The following MACROD2 variants were observed in gnomAD, a reference collection of about 807,000 sequenced individuals.
MACROD2 encodes mono-ADP ribosylhydrolase 2.
A neutral mutation model predicts 70.4 loss-of-function variants in MACROD2; 36 were observed. That is an observed-to-expected ratio of 0.51 (90% CI 0.39 to 0.68). The LOEUF is 0.68. Among genes scored for constraint, MACROD2 ranks in the 30% least tolerant of loss-of-function variants. The pLI, the probability that MACROD2 is intolerant of heterozygous loss-of-function variation, is 0.00. For missense variants in MACROD2, 496 were observed against 538.4 expected (o/e 0.92, Z 0.78); for synonymous variants, 172 against 178.8 (o/e 0.96, Z 0.30).
chr20:14,520,046 G>C (rs2085147666), intron 4 of MACROD2, among the ~76,000 whole-genome samples: 1 of 152,106 alleles, frequency 6.6e-6, no homozygotes, highest in South Asian at 2.1e-4. Flanking sequence ...GCAAACAACA[G>C]ACACGGGGGC....
chr20:14,667,950 C>T (rs2070754233), intron 4 of MACROD2, among the ~76,000 whole-genome samples: 1 of 152,066 alleles, frequency 6.6e-6, no homozygotes, highest in Non-Finnish European at 1.5e-5. Flanking sequence ...GAGTTCAAGA[C>T]CAGCCTGGGC....
At chr20:14,962,925 A>G (rs2074597849) in intron 5 of MACROD2, among the ~76,000 whole-genome samples, 1 of 152,164 alleles carries the variant, frequency 6.6e-6, no homozygotes, top group South Asian at 2.1e-4. Context: ...CAAATCATTT[A>G]CAATTTGAGT....
intron 3 of MACROD2, among the ~76,000 whole-genome samples, chr20:14,306,017 C>G (rs1325433569): frequency 6.6e-6 from 1 of 152,012 alleles, no homozygotes; most frequent in East Asian, 1.9e-4. Context: ...CTTTCTCTCT[C>G]TCCCTGCTAA....
At chr20:14,668,514 C>A (rs969490714) in intron 4 of MACROD2, among the ~76,000 whole-genome samples, 14 of 152,148 alleles carry the variant, frequency 9.2e-5, no homozygotes, top group African/African-American at 3.4e-4. Context: ...GCTCACTGCA[C>A]TTTTGATTCG....
intron 8 of MACROD2, among the ~76,000 whole-genome samples, chr20:15,577,081 T>A (rs527894177): frequency 2.5e-4 from 38 of 152,254 alleles, no homozygotes; most frequent in African/African-American, 8.9e-4. Flanking sequence ...ATTTAGTATG[T>A]CATATTACGA....
At chr20:14,575,832 A>G (rs1430538536) in intron 4 of MACROD2, among the ~76,000 whole-genome samples, 1 of 152,224 alleles carries the variant, frequency 6.6e-6, no homozygotes, top group African/African-American at 2.4e-5. Context: ...CCTTTATAAT[A>G]AACACATTTT....
chr20:14,222,820 A>T (rs889977621), intron 3 of MACROD2, among the ~76,000 whole-genome samples: 1 of 47,240 alleles, frequency 2.1e-5, no homozygotes, highest in Non-Finnish European at 4.5e-5. Flanking sequence ...TCTGAAAAAA[A>T]AAAAAAAAAA....
chr20:15,582,892 A>G (rs1381268016), intron 8 of MACROD2, among the ~76,000 whole-genome samples: 1 of 152,234 alleles, frequency 6.6e-6, no homozygotes, highest in Admixed American at 6.5e-5. Context: ...GTTGAGAGAT[A>G]TTCCTTACTT....
intron 6 of MACROD2, among the ~76,000 whole-genome samples, chr20:15,429,800 A>G (rs1348005641): frequency 1.3e-5 from 2 of 152,012 alleles, no homozygotes; most frequent in African/African-American, 4.8e-5. Context: ...TTATAGATTT[A>G]GGGGGTACAA....
At chr20:14,901,513 T>C (rs1327655540) in intron 5 of MACROD2, among the ~76,000 whole-genome samples, 3 of 152,148 alleles carry the variant, frequency 2.0e-5, no homozygotes, top group Admixed American at 6.5e-5. Context: ...AAACGAACTT[T>C]AGGATATATT....
At chr20:14,177,527 G>C (rs1334175446) in intron 3 of MACROD2, among the ~76,000 whole-genome samples, 1 of 151,944 alleles carries the variant, frequency 6.6e-6, no homozygotes, top group African/African-American at 2.4e-5. Flanking sequence ...TATTGGTCAG[G>C]CTGGTCTCGA....
At chr20:15,147,162 A>C (rs1441101510) in intron 5 of MACROD2, among the ~76,000 whole-genome samples, 1 of 152,174 alleles carries the variant, frequency 6.6e-6, no homozygotes, top group Non-Finnish European at 1.5e-5. Flanking sequence ...TCCACATGGC[A>C]TATTCAAGAT....
At position 14,954,763 on chromosome 20, in the gene MACROD2, T is replaced by TCTATAAATATATAAATAAA. The variant is rs1267489369; in HGVS notation, c.418+269804_418+269805insCTATAAATATATAAATAAA. On this transcript the variant is annotated intron_variant, in intron 5 of 17. Coordinates refer to ENST00000684519, the MANE Select transcript of MACROD2 (RefSeq NM_001351661.2). ...TATAAATTATAAATATATAAATAAA[T>TCTATAAATATATAAATAAA]TTTATATAACATAAATTATAAATAT... is the stretch of plus-strand genomic sequence containing the variant. Among the ~76,000 whole-genome samples the TCTATAAATATATAAATAAA allele has an allele frequency of 7.2e-3, 350 of 48,610 alleles. 1 individual carries two copies. Among genetic ancestry groups the TCTATAAATATATAAATAAA allele is most frequent in the African/African-American group, 0.029 (335 of 11,544 alleles). The allele number at this position is 48,610 out of a possible 152,430, so 31.9% of individuals were successfully genotyped here. A position where few individuals can be genotyped will look rare whatever the true frequency, so the allele number is the denominator to read the frequency against.
At chr20:15,414,934 G>T (rs1015826541) in intron 6 of MACROD2, among the ~76,000 whole-genome samples, 2 of 152,162 alleles carry the variant, frequency 1.3e-5, no homozygotes, top group Non-Finnish European at 2.9e-5. Flanking sequence ...CTAAATGATT[G>T]GATACACATT....
intron 6 of MACROD2, among the ~76,000 whole-genome samples, chr20:15,328,328 C>T (rs2077954710): frequency 6.6e-6 from 1 of 152,036 alleles, no homozygotes; most frequent in Non-Finnish European, 1.5e-5. Flanking sequence ...AGGTGCAATA[C>T]CACATCTGAT....
At chr20:15,332,184 T>C (rs1942407873) in intron 6 of MACROD2, among the ~76,000 whole-genome samples, 1 of 151,598 alleles carries the variant, frequency 6.6e-6, no homozygotes, top group South Asian at 2.1e-4. Flanking sequence ...TAAAAGAATA[T>C]TTAAATATTC....
chr20:14,602,443 C>T (rs753155790), intron 4 of MACROD2, among the ~76,000 whole-genome samples: 1 of 152,208 alleles, frequency 6.6e-6, no homozygotes, highest in Admixed American at 6.5e-5. Flanking sequence ...GGACTCTTCC[C>T]TATCTGCCTA....
At chr20:15,177,856 T>C (rs1294102803) in intron 5 of MACROD2, among the ~76,000 whole-genome samples, 1 of 152,030 alleles carries the variant, frequency 6.6e-6, no homozygotes, top group East Asian at 1.9e-4. Flanking sequence ...TATTTAAGAG[T>C]ATAGAAATTA....
chr20:15,833,038 T>C (rs990529459), intron 8 of MACROD2, among the ~76,000 whole-genome samples: 3 of 152,186 alleles, frequency 2.0e-5, no homozygotes, highest in Non-Finnish European at 4.4e-5. Context: ...TCCCTTTCAG[T>C]GTAAAATTAT....
Sources: allele counts gnomAD v4.1 joint callset (sites outside exome capture counted in the v4.1 genomes callset), GRCh38; gene constraint gnomAD v4.1.1; transcripts MANE v1.5; gene names NCBI Gene and HGNC (gene_info 2026-07-23, HGNC 2026-07-21).